The following MLLT1 variants were observed in gnomAD, a reference collection of about 807,000 sequenced individuals.
MLLT1 encodes protein ENL.
MLLT1 carries 11 observed loss-of-function variants against 55.1 expected under a neutral mutation model. The ratio of observed to expected loss-of-function variants is 0.20; its 90% CI spans 0.13 to 0.33. The LOEUF (loss-of-function observed/expected upper bound fraction) is 0.33, where lower values mean the gene tolerates loss of function less well. Among genes scored for constraint, MLLT1 ranks in the 10% least tolerant of loss-of-function variants. The probability of loss-of-function intolerance (pLI) is 1.00; values close to 1 mark genes in which losing one functional copy is unlikely to be tolerated. For missense variants in MLLT1, 536 were observed against 760.6 expected (o/e 0.70, Z 3.47); for synonymous variants, 323 against 320.1 (o/e 1.01, Z -0.10).
chr19:6,220,230 G>T (rs372625440), intron 6 of MLLT1, among the ~76,000 whole-genome samples: 1 of 152,356 alleles, frequency 6.6e-6, no homozygotes, highest in African/African-American at 2.4e-5. Flanking sequence ...GACGGCCAAG[G>T]GGAAGCCAAG....
chr19:6,234,887 G>C (rs2091045230), intron 3 of MLLT1, among the ~76,000 whole-genome samples: 1 of 143,526 alleles, frequency 7.0e-6, no homozygotes, highest in Admixed American at 6.9e-5. Flanking sequence ...TCAATGTCCT[G>C]ATTCAAACAA....
rs908198849 is a variant in MLLT1 at position 6,240,556 on chromosome 19, A to T, written c.277-9843T>A. Among the ~76,000 whole-genome samples, 3 of 152,034 alleles carry T rather than the reference A, an allele frequency of 2.0e-5. No individual in the cohort carries two copies. Among genetic ancestry groups the T allele is most frequent in the Admixed American group, 6.5e-5 (1 of 15,282 alleles). On this transcript the variant is annotated intron_variant, in intron 3 of 11. Coordinates refer to ENST00000252674, the MANE Select transcript of MLLT1 (RefSeq NM_005934.4). This position sits in a 1 kb window ranked among gnomAD's most constrained non-coding sequence, Gnocchi z 4.7. ...AGGCACTCAAGTGCTACTCCTCATC[A>T]CACGCTGGCCCAGAGACCCCCGGGA...
chr19:6,258,938 C>T (rs1219113602), intron 3 of MLLT1, among the ~76,000 whole-genome samples: 1 of 152,182 alleles, frequency 6.6e-6, no homozygotes, highest in East Asian at 1.9e-4. Flanking sequence ...CTACTATGTG[C>T]CACGCGCCGG....
chr19:6,273,672 C>T lies in MLLT1; in HGVS notation c.13-2913G>A, dbSNP rs992548970. Among the ~76,000 whole-genome samples the T allele has an allele frequency of 3.3e-5, 5 of 152,212 alleles. No homozygotes were observed. The highest frequency in any genetic ancestry group is 1.2e-4 in the African/African-American group (5 of 41,442). ...GAAAACAGGAAGGCAACCCCTGTCC[C>T]GCTGGGAGCATTACAGGTGAAAACT... On this transcript the variant is annotated intron_variant, in intron 1 of 11. Coordinates refer to ENST00000252674, the MANE Select transcript of MLLT1 (RefSeq NM_005934.4). The surrounding 1 kb of genome is among the most constrained non-coding windows in gnomAD (Gnocchi z 4.3).
rs1045819024 is a variant in MLLT1 at position 6,229,722 on chromosome 19, A to T, written c.420+848T>A. ...GTGACACCACACACCACACCCCTAC[A>T]TGCCACACATGCCACACACTGTACA... On this transcript the variant is annotated intron_variant, in intron 4 of 11. Coordinates refer to ENST00000252674, the MANE Select transcript of MLLT1 (RefSeq NM_005934.4). This position sits in a 1 kb window ranked among gnomAD's most constrained non-coding sequence, Gnocchi z 5.2. Among the ~76,000 whole-genome samples the T allele has an allele frequency of 1.3e-5, 2 of 150,826 alleles. No homozygotes were observed. Among genetic ancestry groups the T allele is most frequent in the African/African-American group, 2.4e-5 (1 of 41,000 alleles).
At chr19:6,214,137 G>A in intron 8 of MLLT1, 99 bp from the exon 9 acceptor site, 1 of 603,514 alleles carries the variant, frequency 1.7e-6, no homozygotes, top group Non-Finnish European at 2.5e-6. Context: ...GTCGGTGCCT[G>A]AGCCCACACA....
chr19:6,237,082 T>C (rs978717328), intron 3 of MLLT1, among the ~76,000 whole-genome samples: 1 of 152,090 alleles, frequency 6.6e-6, no homozygotes, highest in African/African-American at 2.4e-5. Context: ...GTGCCCGGGG[T>C]GGGGAGTCCA....
At chr19:6,233,401 C>A (rs1225531047) in intron 3 of MLLT1, among the ~76,000 whole-genome samples, 1 of 152,210 alleles carries the variant, frequency 6.6e-6, no homozygotes, top group African/African-American at 2.4e-5. Flanking sequence ...CCGACAGTGA[C>A]CTTGTGTGGG....
intron 4 of MLLT1, among the ~76,000 whole-genome samples, chr19:6,228,833 A>G (rs2090978463): frequency 6.6e-6 from 1 of 152,118 alleles, no homozygotes; most frequent in Non-Finnish European, 1.5e-5. Flanking sequence ...CTCCCCAGAC[A>G]GCCCACCCTC....
At position 6,212,661 on chromosome 19, in the gene MLLT1, G is replaced by A. The variant is rs889021245; in HGVS notation, c.*381C>T. 3.3e-5 allele frequency: 36 copies of A among 1,107,356 alleles called. No individual in the cohort carries two copies. In the African/African-American group the frequency reaches 3.4e-4, roughly 11 times the overall value. The allele number at this position is 1,107,356 out of a possible 1,614,324, so 68.6% of individuals were successfully genotyped here. A position where few individuals can be genotyped will look rare whatever the true frequency, so the allele number is the denominator to read the frequency against. On this transcript the variant is annotated 3_prime_UTR_variant, in exon 12 of 12. Coordinates refer to ENST00000252674, the MANE Select transcript of MLLT1 (RefSeq NM_005934.4). The stretch of plus-strand genomic sequence containing the variant: ...GGGAGGCTGGAGATGCCCCCCAGCC[G>A]TCGATCCGCTGCTCAGAAAGGCTGG...
rs760995564 is a variant in MLLT1 at position 6,216,364 on chromosome 19, G to A, written c.1307+41C>T. ...CTGCAGACCCAGCCGGAGTCGCCCCGGGTGGCCGCCTCCGCCCCCTGGCTC... is the reference window on the plus strand; with the variant it reads ...CTGCAGACCCAGCCGGAGTCGCCCCAGGTGGCCGCCTCCGCCCCCTGGCTC... On this transcript the variant is annotated intron_variant, in intron 8 of 11. Coordinates refer to ENST00000252674, the MANE Select transcript of MLLT1 (RefSeq NM_005934.4). 22 of 1,456,940 alleles carry A rather than the reference G, an allele frequency of 1.5e-5. 1 individual carries two copies. The South Asian group carries it at 1.8e-4, about 12-fold the overall frequency. The allele number at this position is 1,456,940 out of a possible 1,614,324, so 90.3% of individuals were successfully genotyped here.
chr19:6,276,575 C>A (rs2091429357), intron 1 of MLLT1, among the ~76,000 whole-genome samples: 2 of 152,118 alleles, frequency 1.3e-5, no homozygotes, highest in Non-Finnish European at 2.9e-5. Flanking sequence ...CCCTAGGCAG[C>A]CCCAGTCCCC....
chr19:6,211,248 C>T lies in MLLT1; in HGVS notation c.*1794G>A, dbSNP rs1038499797. 3.4e-5 allele frequency: 8 copies of T among 232,388 alleles called. No individual in the cohort carries two copies. The highest frequency in any genetic ancestry group is 1.8e-4 in the South Asian group (1 of 5,510). 14.4% of individuals were successfully genotyped at this position (232,388 alleles called of 1,614,324 possible). ...CGCCCCATGGTGGAGTATTGTTGGC[C>T]GCCCTGGGAAGGGGAGAGGGGGCAC... On this transcript the variant is annotated 3_prime_UTR_variant, in exon 12 of 12. Transcript: ENST00000252674. This position sits in a 1 kb window ranked among gnomAD's most constrained non-coding sequence, Gnocchi z 4.6.
Position 6,227,002 on chromosome 19 carries a change from T to G in MLLT1, c.521A>C (p.Lys174Thr). 1 of 1,604,148 alleles carries G rather than the reference T, an allele frequency of 6.2e-7. No individual in the cohort carries two copies. The change falls in exon 5 of 12, where the codon AAG becomes ACG. Residue 174 changes from lysine to threonine, a missense_variant. This residue lies in a region of MLLT1 where 449 missense variants were observed against 489.0 expected (regional missense o/e 0.92). Transcript: ENST00000252674. The surrounding 1 kb of genome is among the most constrained non-coding windows in gnomAD (Gnocchi z 5.1). ...IPLSAFSDPK[K>T]TKPSHGSKDA... ...CTTGGAGCCGTGGGATGGTTTGGTC[T>G]TCTTGGGGTCAGAGAAGGCAGAGAG... is the stretch of plus-strand genomic sequence containing the variant.
At chr19:6,213,474 G>T in intron 10 of MLLT1, 66 bp from the exon 11 acceptor site, 1 of 1,350,650 alleles carries the variant, frequency 7.4e-7, no homozygotes, top group Non-Finnish European at 1.1e-6. Flanking sequence ...CCCATGCCCA[G>T]CCCCACCCAT....
Position 6,217,974 on chromosome 19 carries a change from G to T in MLLT1, c.1178C>A (p.Pro393Gln). ...SDSSSDSDFEPSQNHSQGPLR... is the reference protein window; with the variant it reads ...SDSSSDSDFEQSQNHSQGPLR... ...CACACCTTGGCTGTGGTTCTGGGATGGCTCGAAGTCTGAGTCTGAGCTGGA... is the reference window on the plus strand; with the variant it reads ...CACACCTTGGCTGTGGTTCTGGGATTGCTCGAAGTCTGAGTCTGAGCTGGA... Residue 393 changes from proline (P) to glutamine (Q), a missense_variant, in exon 7 of 12, where the codon CCA (proline) becomes CAA (glutamine). Physicochemically the swap from Pro to Gln is moderately conservative, Grantham distance 76 (BLOSUM62 -1). Coordinates refer to ENST00000252674, the MANE Select transcript of MLLT1 (RefSeq NM_005934.4). 4.4e-6 allele frequency: 7 copies of T among 1,606,984 alleles called. No homozygotes were observed. The highest frequency in any genetic ancestry group is 5.9e-6 in the Non-Finnish European group (7 of 1,176,916).
chr19:6,214,007 T>C lies in MLLT1; in HGVS notation c.1339A>G (p.Ser447Gly). 6.9e-7 allele frequency: 1 copy of C among 1,451,384 alleles called. No individual in the cohort carries two copies. The highest frequency in any genetic ancestry group is 1.6e-5 in the South Asian group (1 of 64,206). The allele number at this position is 1,451,384 out of a possible 1,614,324, so 89.9% of individuals were successfully genotyped here. A position where few individuals can be genotyped will look rare whatever the true frequency, so the allele number is the denominator to read the frequency against. Residue 447 changes from serine (S) to glycine (G), a missense_variant, in exon 9 of 12, where the codon AGC (serine) becomes GGC (glycine). By Grantham distance (56) the Ser-to-Gly change is moderately conservative. Transcript: ENST00000252674. ...CGGCTGGGCAGGGAGGAGTCGGCGC[T>C]GTTGTCACTCTCGCTGTCGCTGAAG... ...LSFSDSESDN[S>G]ADSSLPSREP...
At chr19:6,225,562 C>T (rs749588417) in intron 5 of MLLT1, among the ~76,000 whole-genome samples, 1 of 152,178 alleles carries the variant, frequency 6.6e-6, no homozygotes, top group Non-Finnish European at 1.5e-5. Flanking sequence ...ACAAGTGCCT[C>T]GGCAGGACCC....
Position 6,226,058 on chromosome 19 carries a change from T to A in MLLT1, c.546+919A>T, listed in dbSNP as rs750171149. Among the ~76,000 whole-genome samples, 6 of 152,350 alleles carry A rather than the reference T, an allele frequency of 3.9e-5. No homozygotes were observed. The highest frequency in any genetic ancestry group is 1.9e-4 in the East Asian group (1 of 5,180). Reference sequence around the variant, plus strand: ...GGGGAAAGAGCCAGAAAGACCTGCCTGGGTGCTGCGGTTCTTCTCCCGCAT... The same window carrying A: ...GGGGAAAGAGCCAGAAAGACCTGCCAGGGTGCTGCGGTTCTTCTCCCGCAT... On this transcript the variant is annotated intron_variant, in intron 5 of 11. Transcript: ENST00000252674. This position sits in a 1 kb window ranked among gnomAD's most constrained non-coding sequence, Gnocchi z 6.3.
Sources: allele counts gnomAD v4.1 joint callset (sites outside exome capture counted in the v4.1 genomes callset), GRCh38; gene constraint gnomAD v4.1.1; regional missense constraint gnomAD v4.1.1; non-coding constraint Gnocchi (gnomAD v3.1); transcripts MANE v1.5; gene names NCBI Gene and HGNC (gene_info 2026-07-23, HGNC 2026-07-21).